The following ZBTB20 variants were observed in gnomAD, a reference collection of about 807,000 sequenced individuals.
The protein encoded by ZBTB20 is zinc finger and BTB domain containing 20.
ZBTB20 carries 9 observed loss-of-function variants against 56.9 expected under a neutral mutation model. The ratio of observed to expected loss-of-function variants is 0.16; its 90% CI spans 0.10 to 0.28. ZBTB20 has a LOEUF of 0.28. ZBTB20 is among the 10% of genes least tolerant of loss of function. ZBTB20 has a pLI of 1.00. For synonymous variants in ZBTB20, 417 were observed against 420.7 expected, an observed-to-expected ratio of 0.99 and a Z score of 0.11; for missense variants, 655 against 1,003.0, an observed-to-expected ratio of 0.65 and a Z score of 4.69.
intron 6 of ZBTB20, among the ~76,000 whole-genome samples, chr3:114,663,025 G>T (rs2060830037): frequency 6.7e-6 from 1 of 150,182 alleles, no homozygotes; most frequent in Non-Finnish European, 1.5e-5. Context: ...TCAGATTCAG[G>T]AAATACAGAG....
intron 3 of ZBTB20, among the ~76,000 whole-genome samples, chr3:114,918,257 G>A (rs1325873378): frequency 6.6e-6 from 1 of 151,880 alleles, no homozygotes; most frequent in Non-Finnish European, 1.5e-5. Context: ...CCTTCCATGT[G>A]GTGAGCTCCC....
At position 115,110,295 on chromosome 3, in the gene ZBTB20, T is replaced by C. The variant is rs573443643; in HGVS notation, c.-703+36924A>G. Among the ~76,000 whole-genome samples the C allele has an allele frequency of 2.4e-4, 36 of 152,160 alleles. 2 individuals are homozygous for C. The South Asian group carries it at 7.3e-3, about 31-fold the overall frequency. ...GTTATTAATAACGGAGTCAGCATGA[T>C]AGCAGCCTGCTAAGCCCTCTGAGGC... is the stretch of plus-strand genomic sequence containing the variant. On this transcript the variant is annotated intron_variant, in intron 1 of 11. Coordinates refer to ENST00000675478, the MANE Select transcript of ZBTB20 (RefSeq NM_001348800.3).
At chr3:115,051,083 T>C (rs1363811595) in intron 2 of ZBTB20, among the ~76,000 whole-genome samples, 1 of 152,088 alleles carries the variant, frequency 6.6e-6, no homozygotes. Flanking sequence ...TACTAAAACT[T>C]AAAGCTTAAG....
chr3:115,099,566 A>G (rs2083502539), intron 1 of ZBTB20, among the ~76,000 whole-genome samples: 1 of 152,134 alleles, frequency 6.6e-6, no homozygotes, highest in Admixed American at 6.6e-5. Flanking sequence ...ATTCTTACCC[A>G]CCCTCAGCAA....
chr3:114,554,411 T>A (rs535939447), intron 6 of ZBTB20, among the ~76,000 whole-genome samples: 3 of 152,264 alleles, frequency 2.0e-5, no homozygotes, highest in African/African-American at 7.2e-5. Context: ...GCAAGGGCTA[T>A]TTTCAGAAGG....
At position 114,332,367 on chromosome 3, in the gene ZBTB20, C is replaced by CT. The variant is rs35779871; in HGVS notation, c.*6637dup. 1 of 152,178 alleles carries CT rather than the reference C, an allele frequency of 6.6e-6. No individual in the cohort carries two copies. Among genetic ancestry groups the CT allele is most frequent in the African/African-American group, 2.4e-5 (1 of 41,454 alleles). 9.4% of individuals were successfully genotyped at this position (152,178 alleles called of 1,614,324 possible). A position where few individuals can be genotyped will look rare whatever the true frequency, so the allele number is the denominator to read the frequency against. On this transcript the variant is annotated 3_prime_UTR_variant, in exon 12 of 12. Transcript: ENST00000675478. Reference sequence around the variant, plus strand: ...ATATACACTGTATAGAGAAAGAAAGCTTTTTGCTGGATTGTTCTCCTTGTT... The same window carrying CT: ...ATATACACTGTATAGAGAAAGAAAGCTTTTTTGCTGGATTGTTCTCCTTGTT...
At chr3:114,368,363 T>C (rs2082647991) in intron 10 of ZBTB20, among the ~76,000 whole-genome samples, 1 of 152,162 alleles carries the variant, frequency 6.6e-6, no homozygotes, top group Non-Finnish European at 1.5e-5. Flanking sequence ...ATTAGCAACA[T>C]GTTCAAGAAA....
intron 6 of ZBTB20, among the ~76,000 whole-genome samples, chr3:114,650,762 T>C (rs1255106399): frequency 6.6e-6 from 1 of 151,962 alleles, no homozygotes. Flanking sequence ...TATTCCTCTG[T>C]GCTAACACAA....
intron 1 of ZBTB20, among the ~76,000 whole-genome samples, chr3:115,122,217 G>C (rs1264453986): frequency 6.6e-6 from 1 of 152,054 alleles, no homozygotes; most frequent in African/African-American, 2.4e-5. Context: ...GGCAAGTAAA[G>C]ATGAGAGATG....
chr3:115,097,827 C>T (rs1017426157), intron 1 of ZBTB20, among the ~76,000 whole-genome samples: 2 of 152,162 alleles, frequency 1.3e-5, no homozygotes, highest in African/African-American at 4.8e-5. Flanking sequence ...CAGCAGAGTA[C>T]AGTGGTTTGA....
intron 6 of ZBTB20, among the ~76,000 whole-genome samples, chr3:114,641,104 C>T (rs2059535374): frequency 6.6e-6 from 1 of 152,002 alleles, no homozygotes; most frequent in Non-Finnish European, 1.5e-5. Context: ...GAAAGAACTA[C>T]ATATGCTGTG....
At chr3:114,554,495 C>T (rs557420157) in intron 6 of ZBTB20, among the ~76,000 whole-genome samples, 1 of 152,076 alleles carries the variant, frequency 6.6e-6, no homozygotes, top group Admixed American at 6.6e-5. Context: ...ACTGAGAACT[C>T]CCATCTCTAA....
chr3:114,774,317 T>G (rs1011395369), intron 5 of ZBTB20, among the ~76,000 whole-genome samples: 2 of 152,134 alleles, frequency 1.3e-5, no homozygotes, highest in African/African-American at 4.8e-5. Context: ...TCTGTTGAGA[T>G]AGAAAATATA....
chr3:114,705,635 A>G (rs1553793473), intron 5 of ZBTB20, among the ~76,000 whole-genome samples: 1 of 152,178 alleles, frequency 6.6e-6, no homozygotes, highest in Non-Finnish European at 1.5e-5. Context: ...AAAATTTGGT[A>G]TTTTTTTCCC....
intron 5 of ZBTB20, among the ~76,000 whole-genome samples, chr3:114,726,368 G>A (rs2065280336): frequency 6.6e-6 from 1 of 152,188 alleles, no homozygotes; most frequent in South Asian, 2.1e-4. Context: ...AAAATCACTT[G>A]TAGTTTCTGG....
chr3:114,456,556 C>T (rs1248320419), intron 7 of ZBTB20, among the ~76,000 whole-genome samples: 1 of 152,128 alleles, frequency 6.6e-6, no homozygotes, highest in Non-Finnish European at 1.5e-5. Flanking sequence ...TGAGATTTTC[C>T]ACCTGGAGAA....
At chr3:114,993,292 G>A (rs1023318860) in intron 2 of ZBTB20, among the ~76,000 whole-genome samples, 1 of 151,888 alleles carries the variant, frequency 6.6e-6, no homozygotes, top group South Asian at 2.1e-4. Context: ...AATATTTATA[G>A]AAAGACTCTA....
At chr3:114,990,413 TTG>T (rs2078750917) in intron 2 of ZBTB20, among the ~76,000 whole-genome samples, 1 of 152,184 alleles carries the variant, frequency 6.6e-6, no homozygotes, top group Non-Finnish European at 1.5e-5. Context: ...GTTTATTGAT[TTG>T]TGTATGTTGA....
At chr3:114,723,157 A>AC (rs2065032935) in intron 5 of ZBTB20, among the ~76,000 whole-genome samples, 1 of 151,158 alleles carries the variant, frequency 6.6e-6, no homozygotes. Context: ...CTTTTATTTT[A>AC]CTTTTTTTTT....
Sources: gnomAD v4.1 joint callset for allele counts (sites outside exome capture counted in the v4.1 genomes callset) on GRCh38, gnomAD v4.1.1 for gene constraint, MANE v1.5 for transcripts, NCBI Gene and HGNC (gene_info 2026-07-23, HGNC 2026-07-21) for gene names.